LRP1B: variants seen among roughly 807,000 people sequenced by gnomAD.
LRP1B encodes the protein LDL receptor related protein 1B, also known as low-density lipoprotein receptor-related protein 1B.
LRP1B carries 217 observed loss-of-function variants against 556.6 expected under a neutral mutation model. That is an observed-to-expected ratio of 0.39 (90% CI 0.35 to 0.44). The LOEUF (loss-of-function observed/expected upper bound fraction) is 0.44, where lower values mean the gene tolerates loss of function less well. Ranked by LOEUF, LRP1B falls within the 20% of genes least tolerant of loss-of-function variation. The pLI, the probability that LRP1B is intolerant of heterozygous loss-of-function variation, is 1.00. For missense variants in LRP1B, 5,053 were observed against 5,620.8 expected (o/e 0.90, Z 3.23); for synonymous variants, 2,047 against 1,865.8 (o/e 1.10, Z -2.50).
chr2:141,220,229 T>C (rs1682980256), intron 6 of LRP1B, among the ~76,000 whole-genome samples: 1 of 152,070 alleles, frequency 6.6e-6, no homozygotes, highest in African/African-American at 2.4e-5. Context: ...GACAGGAACA[T>C]AAATGACCTG....
chr2:140,600,487 T>C (rs1456935504), intron 42 of LRP1B, among the ~76,000 whole-genome samples: 1 of 152,156 alleles, frequency 6.6e-6, no homozygotes, highest in Admixed American at 6.6e-5. Flanking sequence ...TTCTGTTATT[T>C]AGTCCTTTCT....
At chr2:140,719,094 T>C (rs1687312184) in intron 35 of LRP1B, among the ~76,000 whole-genome samples, 1 of 152,134 alleles carries the variant, frequency 6.6e-6, no homozygotes, top group Admixed American at 6.6e-5. Flanking sequence ...GTAATTTCTT[T>C]GAGGGCTGGG....
chr2:140,862,400 T>A (rs1000708046), intron 27 of LRP1B, among the ~76,000 whole-genome samples: 1 of 152,190 alleles, frequency 6.6e-6, no homozygotes, highest in Non-Finnish European at 1.5e-5. Flanking sequence ...TGCTTTCACA[T>A]TACAACTGCA....
intron 3 of LRP1B, among the ~76,000 whole-genome samples, chr2:141,290,494 G>T (rs185499483): frequency 1.8e-3 from 271 of 152,116 alleles, no homozygotes; most frequent in African/African-American, 6.1e-3. Flanking sequence ...AAAGTAGGAG[G>T]CTATTGATAT....
intron 2 of LRP1B, among the ~76,000 whole-genome samples, chr2:141,807,361 G>A (rs1696199326): frequency 5.3e-5 from 8 of 151,850 alleles, no homozygotes; most frequent in Admixed American, 5.3e-4. Flanking sequence ...TAAATATCTT[G>A]AACAGATTAA....
Position 140,601,649 on chromosome 2 carries a change from GAAGAAA to G in LRP1B, c.6800-16_6800-11del. ...TCCACAGAACCCACATCTAGTGGGGGAAGAAAAAGAAAAAATATATACTTTTATTTA... is the reference window on the plus strand; with the variant it reads ...TCCACAGAACCCACATCTAGTGGGGGAAGAAAAAATATATACTTTTATTTA... On this transcript the variant is annotated splice_polypyrimidine_tract_variant and intron_variant, in intron 41 of 90. Coordinates refer to ENST00000389484, the MANE Select transcript of LRP1B (RefSeq NM_018557.3). The G allele has an allele frequency of 6.5e-7, 1 of 1,532,076 alleles. No homozygotes were observed. Among genetic ancestry groups the G allele is most frequent in the Non-Finnish European group, 8.8e-7 (1 of 1,134,244 alleles). The allele number at this position is 1,532,076 out of a possible 1,614,324, so 94.9% of individuals were successfully genotyped here.
At chr2:140,476,815 A>G (rs1687994349) in intron 59 of LRP1B, among the ~76,000 whole-genome samples, 1 of 152,004 alleles carries the variant, frequency 6.6e-6, no homozygotes, top group Non-Finnish European at 1.5e-5. Context: ...CAAAATGTAA[A>G]ATAAACTTGG....
chr2:140,381,689 C>A (rs1344954351), intron 67 of LRP1B, among the ~76,000 whole-genome samples: 2 of 151,630 alleles, frequency 1.3e-5, no homozygotes, highest in African/African-American at 2.4e-5. Flanking sequence ...ATGGTGAAAA[C>A]CCCCTGCACA....
At chr2:141,630,281 T>C (rs556129090) in intron 2 of LRP1B, among the ~76,000 whole-genome samples, 1 of 152,152 alleles carries the variant, frequency 6.6e-6, no homozygotes, top group African/African-American at 2.4e-5. Context: ...GTAAAAAGAA[T>C]GAAACAGCTG....
At chr2:140,258,751 G>A (rs941219470) in intron 86 of LRP1B, among the ~76,000 whole-genome samples, 1 of 152,124 alleles carries the variant, frequency 6.6e-6, no homozygotes, top group Non-Finnish European at 1.5e-5. Context: ...GAGGTTCAGA[G>A]AAGAACAATT....
intron 5 of LRP1B, among the ~76,000 whole-genome samples, chr2:141,242,983 T>C (rs982861872): frequency 1.3e-5 from 2 of 152,122 alleles, no homozygotes; most frequent in Admixed American, 6.6e-5. Flanking sequence ...TCAAATTCAA[T>C]AAAATCAATT....
intron 1 of LRP1B, among the ~76,000 whole-genome samples, chr2:142,079,602 G>C (rs1437081268): frequency 6.6e-6 from 1 of 151,906 alleles, no homozygotes; most frequent in Non-Finnish European, 1.5e-5. Flanking sequence ...CCGCCTCCCA[G>C]GTGTTCACAT....
At chr2:141,912,927 T>C (rs1558957108) in intron 1 of LRP1B, among the ~76,000 whole-genome samples, 1 of 152,206 alleles carries the variant, frequency 6.6e-6, no homozygotes, top group African/African-American at 2.4e-5. Context: ...CTCTATGTCT[T>C]TGGGTTTTAA....
At chr2:141,739,423 T>C (rs992536830) in intron 2 of LRP1B, among the ~76,000 whole-genome samples, 16 of 152,062 alleles carry the variant, frequency 1.1e-4, no homozygotes, top group African/African-American at 3.9e-4. Flanking sequence ...TTCGTGATCT[T>C]ATTTCAGAAG....
intron 63 of LRP1B, among the ~76,000 whole-genome samples, chr2:140,448,010 A>G (rs1222426892): frequency 2.6e-5 from 4 of 152,122 alleles, no homozygotes; most frequent in South Asian, 2.1e-4. Context: ...AACAATTACA[A>G]TAGTATTAAT....
Position 140,702,148 on chromosome 2 carries a change from A to G in LRP1B, c.6295T>C (p.Ser2099Pro), listed in dbSNP as rs549030530. The stretch of plus-strand genomic sequence containing the variant: ...TATGAAAAAATAAATTACCTGTCAG[A>G]CCAGTAGATGTAAGCCCCAAAGACT... ...VAVFGAYIYW[S>P]DRAHANGSVR... Residue 2099 changes from serine (S) to proline (P), a missense_variant, in exon 39 of 91, where the codon TCT (serine) becomes CCT (proline). By Grantham distance (74) the Ser-to-Pro change is moderately conservative. This residue lies in a region of LRP1B where 3,619 missense variants were observed against 3,931.9 expected (regional missense o/e 0.92). Transcript: ENST00000389484. 1 of 1,613,046 alleles carries G rather than the reference A, an allele frequency of 6.2e-7. No homozygotes were observed. The highest frequency in any genetic ancestry group is 1.1e-5 in the South Asian group (1 of 90,976).
chr2:142,077,898 A>G (rs1463791133), intron 1 of LRP1B, among the ~76,000 whole-genome samples: 2 of 152,160 alleles, frequency 1.3e-5, no homozygotes, highest in Non-Finnish European at 2.9e-5. Flanking sequence ...AAGCCCCTTT[A>G]CAGAACCGTA....
intron 41 of LRP1B, among the ~76,000 whole-genome samples, chr2:140,620,137 T>C (rs749144096): frequency 2.6e-4 from 39 of 152,298 alleles, no homozygotes; most frequent in Admixed American, 2.3e-3. Flanking sequence ...ATTCAAAATA[T>C]TGGTGAGGTC....
Position 140,850,091 on chromosome 2 carries a change from G to C in LRP1B, c.4939+11C>G, listed in dbSNP as rs199550869. ...ACACTTTTAAAGTTGTAACATGTAC[G>C]AATCTTTTACCTCTTGAAATAACAG... is the stretch of plus-strand genomic sequence containing the variant. On this transcript the variant is annotated intron_variant, in intron 29 of 90. Transcript: ENST00000389484. 6.6e-7 allele frequency: 1 copy of C among 1,523,396 alleles called. No homozygotes were observed. The allele number at this position is 1,523,396 out of a possible 1,614,324, so 94.4% of individuals were successfully genotyped here.
Sources: allele counts gnomAD v4.1 joint callset (sites outside exome capture counted in the v4.1 genomes callset), GRCh38; gene constraint gnomAD v4.1.1; regional missense constraint gnomAD v4.1.1; transcripts MANE v1.5; gene names NCBI Gene and HGNC (gene_info 2026-07-23, HGNC 2026-07-21).